The following CBFA2T2 variants were observed in gnomAD, a reference collection of about 807,000 sequenced individuals.
CBFA2T2 encodes CBFA2/RUNX1 partner transcriptional co-repressor 2, also known as protein CBFA2T2.
In CBFA2T2, 11 loss-of-function variants were observed where a neutral mutation model predicts 62.2. That is an observed-to-expected ratio of 0.18 (90% confidence interval 0.11 to 0.29). The LOEUF (loss-of-function observed/expected upper bound fraction) is 0.29, where lower values mean the gene tolerates loss of function less well. Ranked by LOEUF, CBFA2T2 falls within the 10% of genes least tolerant of loss-of-function variation. CBFA2T2 has a pLI of 1.00. For synonymous variants in CBFA2T2, 295 were observed against 287.5 expected (o/e 1.03, Z -0.27); for missense variants, 592 against 774.1 (o/e 0.76, Z 2.79).
At chr20:33,587,700 C>T (rs1321522573) in intron 1 of CBFA2T2, among the ~76,000 whole-genome samples, 2 of 152,196 alleles carry the variant, frequency 1.3e-5, no homozygotes, top group African/African-American at 2.4e-5. Flanking sequence ...CGTCCAGCCC[C>T]GTACCCAGTT....
chr20:33,547,831 A>G (rs968326586), intron 1 of CBFA2T2, among the ~76,000 whole-genome samples: 8 of 152,176 alleles, frequency 5.3e-5, no homozygotes, highest in Non-Finnish European at 8.8e-5. Flanking sequence ...CAACAAAACT[A>G]GATGTAAAAA....
chr20:33,613,124 A>G lies in CBFA2T2; in HGVS notation c.420+1789A>G, dbSNP rs57713579. Among the ~76,000 whole-genome samples the G allele has an allele frequency of 5.1e-3, 779 of 152,378 alleles. 9 individuals carry two copies. Among genetic ancestry groups the G allele is most frequent in the African/African-American group, 0.018 (745 of 41,590 alleles). On this transcript the variant is annotated intron_variant, in intron 3 of 10. Transcript: ENST00000342704. The stretch of plus-strand genomic sequence containing the variant: ...GTCTATTATGAAAGGAACAACTTTC[A>G]TACAAGGCAAAATGCAATATATGAC...
chr20:33,622,805 G>C (rs533328247), intron 4 of CBFA2T2, among the ~76,000 whole-genome samples: 2 of 152,146 alleles, frequency 1.3e-5, no homozygotes, highest in African/African-American at 4.8e-5. Flanking sequence ...CTTCAGAAGC[G>C]TATGTTTTAA....
At chr20:33,504,588 G>C (rs1048091372) in intron 1 of CBFA2T2, among the ~76,000 whole-genome samples, 4 of 151,822 alleles carry the variant, frequency 2.6e-5, no homozygotes, top group Non-Finnish European at 4.4e-5. Context: ...ATTTTTAGTA[G>C]AGATGGGGTT....
At chr20:33,519,868 CG>C (rs2146860518) in intron 1 of CBFA2T2, among the ~76,000 whole-genome samples, 1 of 152,018 alleles carries the variant, frequency 6.6e-6, no homozygotes, top group African/African-American at 2.4e-5. Flanking sequence ...TTGGCTGAGC[CG>C]GGCACGGTGG....
intron 1 of CBFA2T2, among the ~76,000 whole-genome samples, chr20:33,553,967 G>T (rs2012816142): frequency 6.6e-6 from 1 of 151,846 alleles, no homozygotes. Flanking sequence ...CTTTACATTT[G>T]TATTTAAGTA....
chr20:33,562,969 T>C (rs1346959900), intron 1 of CBFA2T2, among the ~76,000 whole-genome samples: 1 of 152,364 alleles, frequency 6.6e-6, no homozygotes, highest in Admixed American at 6.5e-5. Context: ...TTCTGTAAGG[T>C]TTTCCACGTT....
intron 4 of CBFA2T2, among the ~76,000 whole-genome samples, chr20:33,622,811 T>G (rs1855344079): frequency 6.6e-6 from 1 of 152,196 alleles, no homozygotes; most frequent in South Asian, 2.1e-4. Context: ...AAGCGTATGT[T>G]TTAAAATTAT....
At chr20:33,571,180 C>T (rs2013551140) in intron 1 of CBFA2T2, among the ~76,000 whole-genome samples, 1 of 152,182 alleles carries the variant, frequency 6.6e-6, no homozygotes, top group Non-Finnish European at 1.5e-5. Context: ...GGAGGGGGGA[C>T]AGAGAATTGG....
intron 1 of CBFA2T2, among the ~76,000 whole-genome samples, chr20:33,558,815 C>G (rs1330848614): frequency 6.7e-6 from 1 of 149,976 alleles, no homozygotes; most frequent in Non-Finnish European, 1.5e-5. Context: ...AATTTTTCGC[C>G]AACTGTTTGG....
In CBFA2T2 at chr20:33,531,346, G is replaced by C. The variant is rs972249379; in HGVS notation, c.34+41045G>C. On this transcript the variant is annotated intron_variant, in intron 1 of 10. Coordinates refer to ENST00000342704, the MANE Select transcript of CBFA2T2 (RefSeq NM_001032999.3). ...TAAAGCTCAGAGCGGGGAAAGCACA[G>C]GGTGCTTACAAAATGGCAAATGCTG... Among the ~76,000 whole-genome samples the C allele has an allele frequency of 5.3e-5, 8 of 152,306 alleles. No homozygotes were observed. The South Asian group carries it at 1.7e-3, about 32-fold the overall frequency.
intron 4 of CBFA2T2, 152 bp downstream of exon 4, chr20:33,619,758 C>T (rs1295054709): frequency 1.1e-5 from 6 of 566,640 alleles, no homozygotes; most frequent in East Asian, 6.3e-5. Flanking sequence ...AACAGATAAA[C>T]GTCAGGTTTA....
chr20:33,610,747 G>C (rs772675760), intron 2 of CBFA2T2, among the ~76,000 whole-genome samples: 1 of 152,152 alleles, frequency 6.6e-6, no homozygotes, highest in Non-Finnish European at 1.5e-5. Flanking sequence ...ATGGGCATGA[G>C]TATCCCATCA....
intron 1 of CBFA2T2, among the ~76,000 whole-genome samples, chr20:33,563,962 A>G (rs945460687): frequency 2.0e-5 from 3 of 152,128 alleles, no homozygotes; most frequent in African/African-American, 7.2e-5. Context: ...GAACTTTGAA[A>G]AAGTCAACAA....
chr20:33,629,497 C>T (rs1009933365), intron 7 of CBFA2T2, among the ~76,000 whole-genome samples: 1 of 152,346 alleles, frequency 6.6e-6, no homozygotes, highest in Non-Finnish European at 1.5e-5. Flanking sequence ...ACACTGGAAG[C>T]CCTGGTAGTT....
chr20:33,591,870 GC>G (rs2014661160), intron 1 of CBFA2T2, among the ~76,000 whole-genome samples: 1 of 141,924 alleles, frequency 7.0e-6, no homozygotes, highest in Non-Finnish European at 1.5e-5. Flanking sequence ...GGAGGGGGGG[GC>G]CTCCTGTAAG....
At chr20:33,498,061 T>C (rs1031490551) in intron 1 of CBFA2T2, among the ~76,000 whole-genome samples, 1 of 152,094 alleles carries the variant, frequency 6.6e-6, no homozygotes. Flanking sequence ...TTTTAAAATT[T>C]TTGTTTGTTA....
intron 1 of CBFA2T2, among the ~76,000 whole-genome samples, chr20:33,514,209 T>TTG (rs1209897146): frequency 4.1e-5 from 5 of 120,624 alleles, no homozygotes; most frequent in African/African-American, 1.3e-4. Flanking sequence ...TGCCTTTGTT[T>TTG]TTTTTTTTTT....
intron 8 of CBFA2T2, 50 bp from the exon 9 acceptor site, chr20:33,636,590 G>A: frequency 1.5e-6 from 2 of 1,342,990 alleles, no homozygotes; most frequent in Non-Finnish European, 2.1e-6. Context: ...AAATAAAACT[G>A]CTGATCATAG....
Sources: gnomAD v4.1 joint callset for allele counts (sites outside exome capture counted in the v4.1 genomes callset) on GRCh38, gnomAD v4.1.1 for gene constraint, MANE v1.5 for transcripts, NCBI Gene and HGNC (gene_info 2026-07-23, HGNC 2026-07-21) for gene names.